Variants in TBX15 observed in about 807,000 individuals in gnomAD.
TBX15 encodes the protein T-box transcription factor TBX15.
Under a neutral mutation model 53.9 loss-of-function variants are expected in TBX15, and 18 were observed. That is an observed-to-expected ratio of 0.33 (90% confidence interval 0.23 to 0.49). The LOEUF (loss-of-function observed/expected upper bound fraction) is 0.49. TBX15 is among the 20% of genes least tolerant of loss of function. TBX15 has a pLI of 0.98. For synonymous variants in TBX15, 295 were observed against 278.0 expected (o/e 1.06, Z -0.61); for missense variants, 692 against 749.5 (o/e 0.92, Z 0.90).
chr1:118,930,901 C>T (rs1655761310), intron 2 of TBX15, among the ~76,000 whole-genome samples: 1 of 152,326 alleles, frequency 6.6e-6, no homozygotes, highest in Non-Finnish European at 1.5e-5. Flanking sequence ...CCTCTGCATC[C>T]TAATCCATAT....
upstream of TBX15, chr1:118,988,415 G>T (rs1050383243): frequency 6.6e-6 from 1 of 152,640 alleles, no homozygotes; most frequent in Non-Finnish European, 1.5e-5. Flanking sequence ...GAGAAACTCC[G>T]AGAGCGCGAA....
intron 6 of TBX15, among the ~76,000 whole-genome samples, chr1:118,913,451 C>T (rs566416560): frequency 4.6e-5 from 7 of 152,012 alleles, no homozygotes; most frequent in East Asian, 3.9e-4. Context: ...GAAAGAATTT[C>T]GAGAAAAGAA....
intron 1 of TBX15, among the ~76,000 whole-genome samples, chr1:118,956,401 T>C (rs1353387703): frequency 6.6e-6 from 1 of 152,178 alleles, no homozygotes; most frequent in Non-Finnish European, 1.5e-5. Context: ...AAAAGTTAGG[T>C]ATTTATATAT....
intron 1 of TBX15, among the ~76,000 whole-genome samples, chr1:118,975,301 C>G (rs565648033): frequency 6.6e-6 from 1 of 152,128 alleles, no homozygotes; most frequent in African/African-American, 2.4e-5. Flanking sequence ...CCTTTACTAG[C>G]AGGTATGGAA....
intron 5 of TBX15, among the ~76,000 whole-genome samples, chr1:118,922,878 A>G (rs1655468582): frequency 6.6e-6 from 1 of 152,176 alleles, no homozygotes; most frequent in Non-Finnish European, 1.5e-5. Flanking sequence ...AGTGTTCTAC[A>G]AAGTAAATTC....
intron 7 of TBX15, chr1:118,890,840 G>C: frequency 2.3e-6 from 3 of 1,284,462 alleles, no homozygotes; most frequent in Non-Finnish European, 3.1e-6. Context: ...ATCTAGGCTA[G>C]TAAAGAATAA....
At chr1:118,938,789 T>C (rs1656048070) in intron 1 of TBX15, among the ~76,000 whole-genome samples, 1 of 152,206 alleles carries the variant, frequency 6.6e-6, no homozygotes, top group Admixed American at 6.5e-5. Context: ...TGTCCACTTG[T>C]ATGTCTTCTT....
At chr1:118,985,032 G>T (rs926029651) in intron 1 of TBX15, among the ~76,000 whole-genome samples, 7 of 152,142 alleles carry the variant, frequency 4.6e-5, no homozygotes, top group African/African-American at 1.7e-4. Context: ...TTGAAGCTCC[G>T]GCAGAGCGGA....
intron 1 of TBX15, among the ~76,000 whole-genome samples, chr1:118,941,052 T>C (rs1187240887): frequency 6.6e-6 from 1 of 152,184 alleles, no homozygotes; most frequent in Non-Finnish European, 1.5e-5. Flanking sequence ...CCTAAGGCTC[T>C]TGGCATTTTT....
Position 118,924,609 on chromosome 1 carries a change from G to A in TBX15, c.693+37C>T, listed in dbSNP as rs781421196. The A allele has an allele frequency of 2.5e-6, 4 of 1,613,042 alleles. No homozygotes were observed. The African/African-American group carries it at 4.0e-5, about 16-fold the overall frequency. ...GCCAGCTCTAAAGCAAACAGAGGAA[G>A]AGAGAAAGAAAGGGGAGATAGGATT... On this transcript the variant is annotated intron_variant, in intron 4 of 7. Transcript: ENST00000369429.
intron 3 of TBX15, 70 bp downstream of exon 3, chr1:118,926,440 T>C: frequency 4.4e-6 from 6 of 1,354,968 alleles, no homozygotes; most frequent in Non-Finnish European, 6.3e-6. Context: ...CTATTTCCTC[T>C]AAGGAGTTTG....
chr1:118,987,680 C>G lies in TBX15; in HGVS notation c.116G>C (p.Gly39Ala). 1 of 1,550,394 alleles carries G rather than the reference C, an allele frequency of 6.4e-7. No homozygotes were observed. Among genetic ancestry groups the G allele is most frequent in the Non-Finnish European group, 8.7e-7 (1 of 1,146,846 alleles). ...KRKLRDWEEK[G>A]LDLSMEALSP... ...CAGCGCCTCCATAGACAGGTCCAGC[C>G]CCTTCTCCTCCCAGTCTCGCAGTTT... The change falls in exon 1 of 8, where the codon GGG becomes GCG. Residue 39 changes from glycine (G) to alanine (A), a missense_variant. Physicochemically the swap from Gly to Ala is moderately conservative, Grantham distance 60. Around this residue, in one of 3 missense-constraint regions of TBX15, gnomAD observed 307 missense variants for 347.5 expected, o/e 0.88. Transcript: ENST00000369429.
intron 1 of TBX15, among the ~76,000 whole-genome samples, chr1:118,963,557 G>A (rs1001752971): frequency 6.6e-6 from 1 of 152,212 alleles, no homozygotes; most frequent in African/African-American, 2.4e-5. Flanking sequence ...TAAGGCCCCA[G>A]TGTAACTCTC....
chr1:118,961,571 G>T (rs1656873813), intron 1 of TBX15, among the ~76,000 whole-genome samples: 1 of 152,144 alleles, frequency 6.6e-6, no homozygotes, highest in Non-Finnish European at 1.5e-5. Context: ...GAAGCTTGAT[G>T]ATGGAGGCCA....
At position 118,883,951 on chromosome 1, in the gene TBX15, A is replaced by G. The variant is rs1432835744; in HGVS notation, c.*781T>C. 6.5e-6 allele frequency: 1 copy of G among 152,690 alleles called. No individual in the cohort carries two copies. Among genetic ancestry groups the G allele is most frequent in the African/African-American group, 2.4e-5 (1 of 41,410 alleles). The allele number at this position is 152,690 out of a possible 1,614,324, so 9.5% of individuals were successfully genotyped here. ...GCTCTCCACCTCGTTCCTGTTCTCT[A>G]TTCTTTCTGTTTGTCTTTCTCCTGT... On this transcript the variant is annotated 3_prime_UTR_variant, in exon 8 of 8. Transcript: ENST00000369429.
At chr1:118,988,773 AAT>A (rs1397361091), upstream of TBX15, among the ~76,000 whole-genome samples, 7 of 152,208 alleles carry the variant, frequency 4.6e-5, no homozygotes, top group Admixed American at 3.9e-4. Context: ...GGTGCTTTAG[AAT>A]ATTCTGGTTC....
intron 4 of TBX15, 118 bp downstream of exon 4, chr1:118,924,528 T>TA: frequency 8.3e-7 from 1 of 1,200,668 alleles, no homozygotes; most frequent in East Asian, 2.3e-5. Context: ...TACTTAAAAT[T>TA]ACTTAAAGTG....
rs1653897061 is a variant in TBX15 at position 118,885,243 on chromosome 1, T to C, written c.1298A>G (p.Gln433Arg). 2 of 1,614,164 alleles carry C rather than the reference T, an allele frequency of 1.2e-6. No homozygotes were observed. Among genetic ancestry groups the C allele is most frequent in the East Asian group, 2.2e-5 (1 of 44,856 alleles). Residue 433 changes from glutamine to arginine, a missense_variant, in exon 8 of 8, where the codon CAG (glutamine) becomes CGG (arginine). By Grantham distance (43) the Gln-to-Arg change is conservative. Coordinates refer to ENST00000369429, the MANE Select transcript of TBX15 (RefSeq NM_001330677.2). ...RLQSGTTSAT[Q>R]PSETFMPQRT... is the part of the protein sequence containing the mutation. ...CTGAGGCATGAAGGTTTCAGAGGGC[T>C]GAGTGGCTGAAGTGGTGCCACTCTG...
Position 118,884,554 on chromosome 1 carries a change from C to G in TBX15, c.*178G>C. The G allele has an allele frequency of 1.4e-6, 1 of 735,842 alleles. No individual in the cohort carries two copies. Among genetic ancestry groups the G allele is most frequent in the South Asian group, 1.9e-5 (1 of 51,696 alleles). 45.6% of individuals were successfully genotyped at this position (735,842 alleles called of 1,614,324 possible). ...TTGCGGATGATTCTATCGCAAGTAT[C>G]CTTCACTGGCTTAAAGGTATCTCTT... On this transcript the variant is annotated 3_prime_UTR_variant, in exon 8 of 8. Coordinates refer to ENST00000369429, the MANE Select transcript of TBX15 (RefSeq NM_001330677.2).
Sources: gnomAD v4.1 joint callset for allele counts (sites outside exome capture counted in the v4.1 genomes callset) on GRCh38, gnomAD v4.1.1 for gene constraint, gnomAD v4.1.1 regional missense constraint, MANE v1.5 for transcripts, NCBI Gene and HGNC (gene_info 2026-07-23, HGNC 2026-07-21) for gene names.